MAP1A: variants seen among roughly 807,000 people sequenced by gnomAD.
MAP1A encodes the protein microtubule associated protein 1A.
Under a neutral mutation model 185.9 loss-of-function variants are expected in MAP1A, and 42 were observed. That is an observed-to-expected ratio of 0.23 (90% confidence interval 0.18 to 0.29). The LOEUF is 0.29. Ranked by LOEUF, MAP1A falls within the 10% of genes least tolerant of loss-of-function variation. MAP1A has a pLI of 1.00. For missense variants in MAP1A, 2,995 were observed against 3,450.4 expected, an observed-to-expected ratio of 0.87 and a Z score of 3.31; for synonymous variants, 1,229 against 1,335.9, an observed-to-expected ratio of 0.92 and a Z score of 1.74.
rs1486770856 is a variant in MAP1A at position 43,529,098 on chromosome 15, T to C, written c.7625T>C (p.Val2542Ala). Residue 2542 changes from valine to alanine, a missense_variant, in exon 4 of 6, where the codon GTG becomes GCG. Around this residue, in one of 3 missense-constraint regions of MAP1A, gnomAD observed 2,728 missense variants for 2,986.0 expected, o/e 0.91. Coordinates refer to ENST00000300231, the MANE Select transcript of MAP1A (RefSeq NM_002373.6). This position sits in a 1 kb window ranked among gnomAD's most constrained non-coding sequence, Gnocchi z 4.3. ...GATGAAGATGGAGACTTCCTACCTG[T>C]GGACAAAGCTGGGGGTGTCAGTGGT... ...DSDEDGDFLP[V>A]DKAGGVSGTH... is the part of the protein sequence containing the mutation. 6.2e-7 allele frequency: 1 copy of C among 1,613,760 alleles called. No homozygotes were observed. Among genetic ancestry groups the C allele is most frequent in the Non-Finnish European group, 8.5e-7 (1 of 1,179,962 alleles).
Position 43,512,192 on chromosome 15 carries a change from A to G in MAP1A, c.241A>G (p.Ile81Val), listed in dbSNP as rs1267939191. 5 of 1,536,564 alleles carry G rather than the reference A, an allele frequency of 3.3e-6. No individual in the cohort carries two copies. In the East Asian group the frequency reaches 1.2e-4, roughly 38 times the overall value. Residue 81 changes from isoleucine (I) to valine (V), a missense_variant and splice_region_variant, in exon 2 of 7, where the codon ATT becomes GTT. By Grantham distance (29) the Ile-to-Val change is conservative. Transcript: ENST00000382031. The stretch of plus-strand genomic sequence containing the variant: ...CCTTCTTTGTTTTTCTCCCACAGGG[A>G]TTCTCTCCTGGAACATTGACCTGTC...
chr15:43,529,182 C>T lies in MAP1A; in HGVS notation c.7709C>T (p.Pro2570Leu). 1.9e-6 allele frequency: 3 copies of T among 1,604,638 alleles called. No homozygotes were observed. Among genetic ancestry groups the T allele is most frequent in the Non-Finnish European group, 2.6e-6 (3 of 1,172,384 alleles). ...PPPLPQPDPR[P>L]SPPRPDVCMA... Reference sequence around the variant, plus strand: ...CCTCTCCCACAGCCAGACCCCCGCCCATCCCCTCCCCGCCCTGATGTGTGC... The same window carrying T: ...CCTCTCCCACAGCCAGACCCCCGCCTATCCCCTCCCCGCCCTGATGTGTGC... Residue 2570 changes from proline (P) to leucine (L), a missense_variant, in exon 4 of 6, where the codon CCA (proline) becomes CTA (leucine). This residue lies in a region of MAP1A where 2,728 missense variants were observed against 2,986.0 expected (regional missense o/e 0.91). Transcript: ENST00000300231. This position sits in a 1 kb window ranked among gnomAD's most constrained non-coding sequence, Gnocchi z 4.3.
chr15:43,525,079 G>T lies in MAP1A; in HGVS notation c.3606G>T (p.Glu1202Asp), dbSNP rs757959385. ...EDTQSLSLSE[E>D]SPSKETSLDV... ...CCCAGTCACTTTCTCTGTCAGAAGA[G>T]AGTCCCAGCAAGGAGACCTCCCTGG... Residue 1202 changes from glutamate (E) to aspartate (D), a missense_variant, in exon 4 of 6, where the codon GAG (glutamate) becomes GAT (aspartate). Glu to Asp is a conservative substitution (Grantham distance 45). Transcript: ENST00000300231. 3.1e-6 allele frequency: 5 copies of T among 1,614,082 alleles called. No individual in the cohort carries two copies. Among genetic ancestry groups the T allele is most frequent in the Non-Finnish European group, 3.4e-6 (4 of 1,180,042 alleles).
chr15:43,528,172 C>G lies in MAP1A; in HGVS notation c.6699C>G (p.Leu2233=). The G allele has an allele frequency of 6.2e-7, 1 of 1,614,144 alleles. No individual in the cohort carries two copies. Among genetic ancestry groups the G allele is most frequent in the Non-Finnish European group, 8.5e-7 (1 of 1,180,018 alleles). ...GCCTGGATTCCTCACTGCCCCAGCT[C>G]CCATCACCCAGTTCTCCTGGGGCCC... The part of the protein sequence containing the change: ...APSLDSSLPQ[L]PSPSSPGAPL... The change falls in exon 4 of 6, where the codon CTC becomes CTG. Residue 2233 remains leucine (L), a synonymous_variant. Transcript: ENST00000300231.
chr15:43,511,633 A>G (rs951845310), intron 1 of MAP1A, among the ~76,000 whole-genome samples: 3 of 152,142 alleles, frequency 2.0e-5, no homozygotes, highest in Non-Finnish European at 4.4e-5. Context: ...CGCCCCGTAC[A>G]AATCTCAAAT....
Position 43,529,878 on chromosome 15 carries a change from G to A in MAP1A, c.8256+8G>A. 2 of 1,611,838 alleles carry A rather than the reference G, an allele frequency of 1.2e-6. No homozygotes were observed. The highest frequency in any genetic ancestry group is 1.7e-6 in the Non-Finnish European group (2 of 1,179,456). On this transcript the variant is annotated splice_region_variant and intron_variant, in intron 5 of 5. Transcript: ENST00000300231. The surrounding 1 kb of genome is among the most constrained non-coding windows in gnomAD (Gnocchi z 4.3). ...TGGGGGGAGAATCTTCAGGTGAGTA[G>A]CAAAGGACACCAAGGAAGTAGTCTG...
chr15:43,526,526 G>A lies in MAP1A; in HGVS notation c.5053G>A (p.Gly1685Ser), dbSNP rs756749380. Residue 1685 changes from glycine (G) to serine (S), a missense_variant, in exon 4 of 6, where the codon GGC becomes AGC. Gly to Ser is a moderately conservative substitution (Grantham distance 56, BLOSUM62 0). This residue lies in a region of MAP1A where 2,728 missense variants were observed against 2,986.0 expected (regional missense o/e 0.91). Coordinates refer to ENST00000300231, the MANE Select transcript of MAP1A (RefSeq NM_002373.6). This position sits in a 1 kb window ranked among gnomAD's most constrained non-coding sequence, Gnocchi z 4.7. ...SPEQDNRYWR[G>S]REDVALEQDT... ...TGAGCAGGACAATAGGTATTGGAGG[G>A]GCAGAGAGGATGTGGCCTTGGAACA... 16 of 1,614,042 alleles carry A rather than the reference G, an allele frequency of 9.9e-6. No homozygotes were observed. Among genetic ancestry groups the A allele is most frequent in the Admixed American group, 5.0e-5 (3 of 60,006 alleles).
chr15:43,528,598 C>T lies in MAP1A; in HGVS notation c.7125C>T (p.Ala2375=). ...CTAACCCCCCAGGCCCTGCCCCAGC[C>T]AAGGCTGAAAATGAAGAGGCTGCGG... ...TSPNPPGPAP[A]KAENEEAAAC... is the part of the protein sequence containing the mutation. The change falls in exon 4 of 6, where the codon GCC becomes GCT. Residue 2375 remains alanine (A), a synonymous_variant. Transcript: ENST00000300231. The T allele has an allele frequency of 6.2e-7, 1 of 1,614,054 alleles. No homozygotes were observed. Among genetic ancestry groups the T allele is most frequent in the East Asian group, 2.2e-5 (1 of 44,874 alleles).
rs777726742 is a variant in MAP1A at position 43,528,912 on chromosome 15, G to A, written c.7439G>A (p.Arg2480His). The A allele has an allele frequency of 8.1e-6, 13 of 1,612,836 alleles. No individual in the cohort carries two copies. The highest frequency in any genetic ancestry group is 1.6e-4 in the Middle Eastern group (1 of 6,084). Residue 2480 changes from arginine (R) to histidine (H), a missense_variant, in exon 4 of 6, where the codon CGC becomes CAC. Arg to His is a conservative substitution (Grantham distance 29). Transcript: ENST00000300231. Reference protein sequence around the residue: ...EVRLVGRGGRRRVGGPGTTGG... With the variant: ...EVRLVGRGGRHRVGGPGTTGG... ...CGGCTAGTAGGAAGAGGGGGGCGGC[G>A]CCGGGTAGGGGGGCCAGGGACCACT...
Position 43,529,103 on chromosome 15 carries a change from A to G in MAP1A, c.7630A>G (p.Lys2544Glu). 1 of 1,613,762 alleles carries G rather than the reference A, an allele frequency of 6.2e-7. No individual in the cohort carries two copies. The highest frequency in any genetic ancestry group is 1.1e-5 in the South Asian group (1 of 91,078). Residue 2544 changes from lysine (K) to glutamate (E), a missense_variant, in exon 4 of 6, where the codon AAA becomes GAA. Lys to Glu is a moderately conservative substitution (Grantham distance 56). Transcript: ENST00000300231. This position sits in a 1 kb window ranked among gnomAD's most constrained non-coding sequence, Gnocchi z 4.3. ...AGATGGAGACTTCCTACCTGTGGAC[A>G]AAGCTGGGGGTGTCAGTGGTACTCA... The part of the protein sequence containing the change: ...DEDGDFLPVD[K>E]AGGVSGTHHP...
chr15:43,529,848 C>G lies in MAP1A; in HGVS notation c.8234C>G (p.Ala2745Gly). 6.2e-7 allele frequency: 1 copy of G among 1,613,672 alleles called. No individual in the cohort carries two copies. The highest frequency in any genetic ancestry group is 8.5e-7 in the Non-Finnish European group (1 of 1,180,026). ...AVLDALLEGK[A>G]QWGENLQVTL... ...CTGGATGCCCTGCTGGAGGGCAAGGCCCAGTGGGGGGAGAATCTTCAGGTG... is the reference window on the plus strand; with the variant it reads ...CTGGATGCCCTGCTGGAGGGCAAGGGCCAGTGGGGGGAGAATCTTCAGGTG... The change falls in exon 5 of 6, where the codon GCC becomes GGC. Residue 2745 changes from alanine (A) to glycine (G), a missense_variant. Physicochemically the swap from Ala to Gly is moderately conservative, Grantham distance 60. Coordinates refer to ENST00000300231, the MANE Select transcript of MAP1A (RefSeq NM_002373.6). The surrounding 1 kb of genome is among the most constrained non-coding windows in gnomAD (Gnocchi z 4.3).
Position 43,525,463 on chromosome 15 carries a change from G to T in MAP1A, c.3990G>T (p.Leu1330Phe). ...CCTTCTCCAAGAGTCCTGAGTCTTTGCCAGGCCCTGCCTTGGAGGACATTG... is the reference window on the plus strand; with the variant it reads ...CCTTCTCCAAGAGTCCTGAGTCTTTTCCAGGCCCTGCCTTGGAGGACATTG... Reference protein sequence around the residue: ...DSSFSKSPESLPGPALEDIAI... With the variant: ...DSSFSKSPESFPGPALEDIAI... The change falls in exon 4 of 6, where the codon TTG (leucine) becomes TTT (phenylalanine). Residue 1330 changes from leucine to phenylalanine, a missense_variant. By Grantham distance (22) the Leu-to-Phe change is conservative. Transcript: ENST00000300231. The T allele has an allele frequency of 6.2e-7, 1 of 1,614,194 alleles. No individual in the cohort carries two copies. Among genetic ancestry groups the T allele is most frequent in the East Asian group, 2.2e-5 (1 of 44,888 alleles).
Position 43,529,914 on chromosome 15 carries a change from A to G in MAP1A, c.8256+44A>G, listed in dbSNP as rs747907936. ...CAAGGAAGTAGTCTGGTCAACGCTC[A>G]CTCAGAGGCAGTAGTGGAACACAGT... On this transcript the variant is annotated intron_variant, in intron 5 of 5. Coordinates refer to ENST00000300231, the MANE Select transcript of MAP1A (RefSeq NM_002373.6). This position sits in a 1 kb window ranked among gnomAD's most constrained non-coding sequence, Gnocchi z 4.3. The G allele has an allele frequency of 6.3e-7, 1 of 1,587,442 alleles. No individual in the cohort carries two copies. Among genetic ancestry groups the G allele is most frequent in the Non-Finnish European group, 8.6e-7 (1 of 1,160,622 alleles).
Position 43,523,477 on chromosome 15 carries a change from T to C in MAP1A, c.2004T>C (p.Asp668=), listed in dbSNP as rs1566977526. The part of the protein sequence containing the change: ...LEEMEEVHPS[D]EEEEDATKAE... ...AAATGGAGGAGGTACACCCTTCAGA[T>C]GAGGAGGAAGAGGACGCGACAAAAG... The change falls in exon 4 of 6, where the codon GAT becomes GAC. Residue 668 remains aspartate, a synonymous_variant. Coordinates refer to ENST00000300231, the MANE Select transcript of MAP1A (RefSeq NM_002373.6). 2.5e-6 allele frequency: 4 copies of C among 1,613,766 alleles called. No individual in the cohort carries two copies. Among genetic ancestry groups the C allele is most frequent in the Non-Finnish European group, 3.4e-6 (4 of 1,179,956 alleles).
Position 43,530,271 on chromosome 15 carries a change from A to G in MAP1A, c.*47A>G, listed in dbSNP as rs1284529488. On this transcript the variant is annotated 3_prime_UTR_variant, in exon 6 of 6. Coordinates refer to ENST00000300231, the MANE Select transcript of MAP1A (RefSeq NM_002373.6). ...AAGGATCCACTCCCCCAGCTCCTTT[A>G]GAGAATGGCTACTGCTGAGTCCTTT... The G allele has an allele frequency of 6.2e-7, 1 of 1,607,360 alleles. No homozygotes were observed. Among genetic ancestry groups the G allele is most frequent in the Non-Finnish European group, 8.5e-7 (1 of 1,176,418 alleles).
upstream of MAP1A, among the ~76,000 whole-genome samples, chr15:43,516,679 A>G (rs534621500): frequency 1.3e-5 from 2 of 152,358 alleles, no homozygotes; most frequent in South Asian, 4.1e-4. Flanking sequence ...TCCAAATAAT[A>G]TAATATAGAA....
Position 43,527,273 on chromosome 15 carries a change from G to T in MAP1A, c.5800G>T (p.Val1934Leu). 1 of 1,614,150 alleles carries T rather than the reference G, an allele frequency of 6.2e-7. No individual in the cohort carries two copies. The highest frequency in any genetic ancestry group is 8.5e-7 in the Non-Finnish European group (1 of 1,180,002). ...TGACAAAAGCTCACACAGCTCAAAGGTACCAGAGGCCAGCAAAAGCCATGC... is the reference window on the plus strand; with the variant it reads ...TGACAAAAGCTCACACAGCTCAAAGTTACCAGAGGCCAGCAAAAGCCATGC... The part of the protein sequence containing the change: ...APDKSSHSSK[V>L]PEASKSHATT... The change falls in exon 4 of 6, where the codon GTA becomes TTA. Residue 1934 changes from valine (V) to leucine (L), a missense_variant. By Grantham distance (32) the Val-to-Leu change is conservative (BLOSUM62 1). Around this residue, in one of 3 missense-constraint regions of MAP1A, gnomAD observed 2,728 missense variants for 2,986.0 expected, o/e 0.91. Transcript: ENST00000300231.
At chr15:43,520,899 G>A in intron 2 of MAP1A, 73 bp from the exon 3 acceptor site, 1 of 1,440,418 alleles carries the variant, frequency 6.9e-7, no homozygotes, top group Non-Finnish European at 9.5e-7. Context: ...ATGTTCTTGA[G>A]GTACTGAGGG....
At position 43,523,171 on chromosome 15, in the gene MAP1A, G is replaced by A. The variant is rs1456909879; in HGVS notation, c.1698G>A (p.Glu566=). The A allele has an allele frequency of 6.2e-7, 1 of 1,614,126 alleles. No individual in the cohort carries two copies. The highest frequency in any genetic ancestry group is 1.1e-5 in the South Asian group (1 of 91,080). Residue 566 remains glutamate, a synonymous_variant, in exon 4 of 6, where the codon GAG becomes GAA. Coordinates refer to ENST00000300231, the MANE Select transcript of MAP1A (RefSeq NM_002373.6). ...CATTCCCTCTAGACACTGCAGAGGAGGGACCCCCAAGTACAGCTATCCAGG... is the reference window on the plus strand; with the variant it reads ...CATTCCCTCTAGACACTGCAGAGGAAGGACCCCCAAGTACAGCTATCCAGG... ...DKPFPLDTAE[E]GPPSTAIQGT... is the part of the protein sequence containing the mutation.
Sources: allele counts gnomAD v4.1 joint callset (sites outside exome capture counted in the v4.1 genomes callset), GRCh38; gene constraint gnomAD v4.1.1; regional missense constraint gnomAD v4.1.1; non-coding constraint Gnocchi (gnomAD v3.1); transcripts MANE v1.5; gene names NCBI Gene and HGNC (gene_info 2026-07-23, HGNC 2026-07-21).